The following ST8SIA6 variants were observed in gnomAD, a reference collection of about 807,000 sequenced individuals.
The protein encoded by ST8SIA6 is ST8 alpha-N-acetyl-neuraminide alpha-2,8-sialyltransferase 6, also known as alpha-2,8-sialyltransferase 8F.
ST8SIA6 carries 39 observed loss-of-function variants against 33.6 expected under a neutral mutation model. The observed-to-expected ratio is 1.16, with a 90% CI of 0.90 to 1.52. The LOEUF is 1.52. Among genes scored for constraint, ST8SIA6 ranks in the 40% most tolerant of loss-of-function variants. The probability of loss-of-function intolerance (pLI) is 0.00; values close to 1 mark genes in which losing one functional copy is unlikely to be tolerated. For missense variants in ST8SIA6, 441 were observed against 443.8 expected (o/e 0.99, Z 0.06); for synonymous variants, 172 against 167.2 (o/e 1.03, Z -0.22).
At chr10:17,437,692 C>A (rs1476332060) in intron 2 of ST8SIA6, among the ~76,000 whole-genome samples, 1 of 142,580 alleles carries the variant, frequency 7.0e-6, no homozygotes, top group Non-Finnish European at 1.5e-5. Flanking sequence ...TCTCTTTCTC[C>A]CTTCCCTTCC....
At chr10:17,374,748 A>AAAATATATATATATATATATATATATAT (rs1344895365) in intron 3 of ST8SIA6, among the ~76,000 whole-genome samples, 12 of 67,652 alleles carry the variant, frequency 1.8e-4, no homozygotes, top group Admixed American at 4.3e-4. Flanking sequence ...ATAAATAAAT[A>AAAATATATATATATATATATATATATAT]ATAAATATAT....
intron 6 of ST8SIA6, among the ~76,000 whole-genome samples, chr10:17,326,442 C>T (rs1372670879): frequency 1.3e-5 from 2 of 152,140 alleles, no homozygotes; most frequent in African/African-American, 4.8e-5. Flanking sequence ...TCTATTTTTG[C>T]ATGCTAGCTG....
chr10:17,327,688 C>T (rs75415449), intron 5 of ST8SIA6, among the ~76,000 whole-genome samples: 2 of 152,106 alleles, frequency 1.3e-5, no homozygotes, highest in Non-Finnish European at 2.9e-5. Flanking sequence ...GAGAGAGTCA[C>T]TTGAGGCCAA....
intron 4 of ST8SIA6, among the ~76,000 whole-genome samples, chr10:17,336,697 G>A (rs1474257568): frequency 4.7e-5 from 7 of 150,230 alleles, no homozygotes; most frequent in African/African-American, 1.5e-4. Flanking sequence ...AGGTTCAAGC[G>A]ATTCTCCTGC....
chr10:17,383,017 T>C (rs1423721390), intron 3 of ST8SIA6, among the ~76,000 whole-genome samples: 1 of 151,726 alleles, frequency 6.6e-6, no homozygotes, highest in Non-Finnish European at 1.5e-5. Flanking sequence ...TTAAATTTTA[T>C]AGACTGTTTA....
chr10:17,440,773 C>T (rs902072302), intron 2 of ST8SIA6, among the ~76,000 whole-genome samples: 4 of 152,098 alleles, frequency 2.6e-5, no homozygotes, highest in East Asian at 3.9e-4. Flanking sequence ...TTCTCCATGT[C>T]ACGGTGGCAT....
At chr10:17,433,975 G>A (rs1413599443) in intron 2 of ST8SIA6, among the ~76,000 whole-genome samples, 1 of 152,076 alleles carries the variant, frequency 6.6e-6, no homozygotes, top group Non-Finnish European at 1.5e-5. Context: ...TGGTGCAAAT[G>A]TCTTCTTCCC....
chr10:17,419,926 A>G (rs759467303), intron 2 of ST8SIA6, among the ~76,000 whole-genome samples: 1 of 152,200 alleles, frequency 6.6e-6, no homozygotes, highest in Non-Finnish European at 1.5e-5. Context: ...AATTTGAAAG[A>G]TGCTTTCCTA....
intron 2 of ST8SIA6, among the ~76,000 whole-genome samples, chr10:17,417,542 C>T (rs1588905600): frequency 6.6e-6 from 1 of 151,160 alleles, no homozygotes; most frequent in East Asian, 2.0e-4. Context: ...CGACTTCTTT[C>T]CTACCACTTA....
At chr10:17,420,471 G>C (rs1365214785) in intron 2 of ST8SIA6, among the ~76,000 whole-genome samples, 1 of 152,084 alleles carries the variant, frequency 6.6e-6, no homozygotes, top group African/African-American at 2.4e-5. Context: ...TTTTTGTTAT[G>C]GTGAAAGTCA....
At chr10:17,396,378 C>A (rs1004580343) in intron 2 of ST8SIA6, among the ~76,000 whole-genome samples, 2 of 152,178 alleles carry the variant, frequency 1.3e-5, no homozygotes, top group African/African-American at 2.4e-5. Flanking sequence ...CTTTTATATA[C>A]CTTGGCAATT....
At chr10:17,361,429 C>T (rs1465823438) in intron 3 of ST8SIA6, among the ~76,000 whole-genome samples, 1 of 151,408 alleles carries the variant, frequency 6.6e-6, no homozygotes, top group Non-Finnish European at 1.5e-5. Context: ...ACACAAACTA[C>T]CAAAGGCCAC....
intron 4 of ST8SIA6, among the ~76,000 whole-genome samples, chr10:17,354,015 A>C (rs1849113888): frequency 6.6e-6 from 1 of 152,198 alleles, no homozygotes; most frequent in South Asian, 2.1e-4. Flanking sequence ...TACAGAAATG[A>C]ATACAGTTCT....
chr10:17,359,198 C>A (rs1365813089), intron 4 of ST8SIA6, among the ~76,000 whole-genome samples: 1 of 152,090 alleles, frequency 6.6e-6, no homozygotes, highest in East Asian at 1.9e-4. Context: ...ATTTTATTTA[C>A]TAAACAAATA....
intron 2 of ST8SIA6, among the ~76,000 whole-genome samples, chr10:17,394,565 G>A (rs962037548): frequency 1.3e-5 from 2 of 152,048 alleles, no homozygotes; most frequent in Admixed American, 1.3e-4. Flanking sequence ...AGTAATGAAA[G>A]GTACAGACAG....
chr10:17,443,210 A>C (rs1381569173), intron 2 of ST8SIA6, among the ~76,000 whole-genome samples: 1 of 152,236 alleles, frequency 6.6e-6, no homozygotes, highest in African/African-American at 2.4e-5. Flanking sequence ...ACAATATTAT[A>C]AAATACGTAT....
At chr10:17,397,183 C>T (rs1295972870) in intron 2 of ST8SIA6, among the ~76,000 whole-genome samples, 1 of 151,602 alleles carries the variant, frequency 6.6e-6, no homozygotes, top group Non-Finnish European at 1.5e-5. Flanking sequence ...TCCTTCAGCT[C>T]CATCCTCATT....
At chr10:17,333,686 T>TAGATATATATATATATATATATATATAG (rs1564404766) in intron 4 of ST8SIA6, among the ~76,000 whole-genome samples, 1 of 19,352 alleles carries the variant, frequency 5.2e-5, no homozygotes, top group Non-Finnish European at 9.5e-5. Flanking sequence ...TATATATATA[T>TAGATATATATATATATATATATATATAG]ATATATATAT....
chr10:17,397,119 T>C (rs1850833279), intron 2 of ST8SIA6, among the ~76,000 whole-genome samples: 1 of 152,194 alleles, frequency 6.6e-6, no homozygotes, highest in Non-Finnish European at 1.5e-5. Flanking sequence ...ACTGCCTCCA[T>C]GTCTCATGTC....
Sources: gnomAD v4.1 joint callset for allele counts (sites outside exome capture counted in the v4.1 genomes callset) on GRCh38, gnomAD v4.1.1 for gene constraint, MANE v1.5 for transcripts, NCBI Gene and HGNC (gene_info 2026-07-23, HGNC 2026-07-21) for gene names.